The following COX7B2 variants were observed in gnomAD, a reference collection of about 807,000 sequenced individuals.
The protein encoded by COX7B2 is cytochrome c oxidase subunit 7B2, also known as cytochrome c oxidase subunit 7B2, mitochondrial.
For missense variants in COX7B2, 109 were observed against 95.9 expected (o/e 1.14, Z -0.57); for synonymous variants, 37 against 32.1 (o/e 1.15, Z -0.51).
chr4:46,768,184 G>T (rs148667944), intron 2 of COX7B2, among the ~76,000 whole-genome samples: 2 of 152,228 alleles, frequency 1.3e-5, no homozygotes, highest in South Asian at 4.1e-4. Flanking sequence ...GTACCCAAGA[G>T]GAATGAGGTC....
Position 46,754,155 on chromosome 4 carries a change from C to T in COX7B2, c.-49-18914G>A, listed in dbSNP as rs546057775. 1.2e-4 allele frequency among the ~76,000 whole-genome samples: 19 copies of T among 152,078 alleles called. No homozygotes were observed. In the East Asian group the frequency reaches 2.0e-3, roughly 16 times the overall value. Reference sequence around the variant, plus strand: ...TCAACCATTGTGGAAGTCAGTGTGGCGATTTTTCAGGGATCTAGAACTAGA... The same window carrying T: ...TCAACCATTGTGGAAGTCAGTGTGGTGATTTTTCAGGGATCTAGAACTAGA... On this transcript the variant is annotated intron_variant, in intron 2 of 2. Transcript: ENST00000355591.
At chr4:46,754,900 T>A (rs1715683958) in intron 2 of COX7B2, among the ~76,000 whole-genome samples, 1 of 151,260 alleles carries the variant, frequency 6.6e-6, no homozygotes, top group South Asian at 2.1e-4. Flanking sequence ...TGAAGCTATT[T>A]TTTTTAATTG....
chr4:46,791,364 A>G (rs181909656), intron 2 of COX7B2, among the ~76,000 whole-genome samples: 39 of 152,322 alleles, frequency 2.6e-4, no homozygotes, highest in Middle Eastern at 3.4e-3. Context: ...ATGACATTTT[A>G]TAATTCTAAT....
intron 1 of COX7B2, among the ~76,000 whole-genome samples, chr4:46,904,326 T>C (rs1720248087): frequency 6.6e-6 from 1 of 152,130 alleles, no homozygotes; most frequent in East Asian, 1.9e-4. Flanking sequence ...CTCCATCATA[T>C]AAAAAGAGCA....
chr4:46,830,324 C>CAAAAAAAA (rs201868075), intron 2 of COX7B2, among the ~76,000 whole-genome samples: 4 of 82,154 alleles, frequency 4.9e-5, no homozygotes, highest in African/African-American at 9.5e-5. Flanking sequence ...ACTCTGTCTC[C>CAAAAAAAA]AAAAAAAAAA....
chr4:46,824,251 T>G (rs1489678774), intron 2 of COX7B2, among the ~76,000 whole-genome samples: 1 of 152,132 alleles, frequency 6.6e-6, no homozygotes, highest in Admixed American at 6.5e-5. Context: ...AAAGAAAAGT[T>G]GATACCATTC....
intron 2 of COX7B2, among the ~76,000 whole-genome samples, chr4:46,827,160 A>C (rs1485529133): frequency 6.6e-6 from 1 of 152,104 alleles, no homozygotes; most frequent in Non-Finnish European, 1.5e-5. Context: ...AATAGAGACA[A>C]AAAGTGAAAG....
intron 1 of COX7B2, among the ~76,000 whole-genome samples, chr4:46,892,237 A>C (rs966099193): frequency 1.3e-5 from 2 of 152,234 alleles, no homozygotes; most frequent in Admixed American, 1.3e-4. Context: ...TAAAAAGAAA[A>C]GAAAAGCAAT....
chr4:46,771,921 T>C (rs1716900761), intron 2 of COX7B2, among the ~76,000 whole-genome samples: 1 of 152,142 alleles, frequency 6.6e-6, no homozygotes, highest in Admixed American at 6.6e-5. Flanking sequence ...ATCATGTTGG[T>C]GCTCAAAAAG....
chr4:46,782,276 A>C (rs1717506211), intron 2 of COX7B2, among the ~76,000 whole-genome samples: 1 of 152,106 alleles, frequency 6.6e-6, no homozygotes. Context: ...TTTTATGTCT[A>C]GCCAGAGGAT....
chr4:46,881,278 A>G (rs1180173931), intron 1 of COX7B2, among the ~76,000 whole-genome samples: 1 of 152,184 alleles, frequency 6.6e-6, no homozygotes, highest in Non-Finnish European at 1.5e-5. Context: ...TGTAAGAAGT[A>G]CACTGGTTCA....
Position 46,804,181 on chromosome 4 carries a change from T to G in COX7B2, c.-50+40779A>C, listed in dbSNP as rs375100983. ...GCGGTGGGTTCGTGGTCTCACTAGC[T>G]TCAAGAGTGAAGCCGCAGACCTTCA... On this transcript the variant is annotated intron_variant, in intron 2 of 2. Transcript: ENST00000355591. 8.5e-5 allele frequency among the ~76,000 whole-genome samples: 13 copies of G among 152,214 alleles called. No homozygotes were observed. In the East Asian group the frequency reaches 9.7e-4, roughly 11 times the overall value.
At chr4:46,806,252 T>A (rs1054953370) in intron 2 of COX7B2, among the ~76,000 whole-genome samples, 18 of 152,038 alleles carry the variant, frequency 1.2e-4, no homozygotes, top group Admixed American at 1.1e-3. Context: ...TAATATTTCA[T>A]ATTATATAAC....
intron 2 of COX7B2, among the ~76,000 whole-genome samples, chr4:46,738,963 C>T (rs1218326919): frequency 6.6e-6 from 1 of 151,984 alleles, no homozygotes; most frequent in Non-Finnish European, 1.5e-5. Context: ...AAAGTTCTTT[C>T]TGCAAAAAAT....
chr4:46,786,335 T>G (rs1717752626), intron 2 of COX7B2, among the ~76,000 whole-genome samples: 1 of 152,220 alleles, frequency 6.6e-6, no homozygotes, highest in Non-Finnish European at 1.5e-5. Flanking sequence ...GAAACATACT[T>G]TATCTGACCA....
At chr4:46,835,529 A>G (rs1715457166) in intron 2 of COX7B2, among the ~76,000 whole-genome samples, 1 of 152,148 alleles carries the variant, frequency 6.6e-6, no homozygotes, top group Non-Finnish European at 1.5e-5. Context: ...GACAGTAAGC[A>G]GGCCTAGTCC....
At chr4:46,752,751 G>T (rs1715475634) in intron 2 of COX7B2, among the ~76,000 whole-genome samples, 1 of 152,154 alleles carries the variant, frequency 6.6e-6, no homozygotes, top group South Asian at 2.1e-4. Context: ...AACCAGCCTT[G>T]CATCCCATGG....
intron 2 of COX7B2, among the ~76,000 whole-genome samples, chr4:46,820,918 G>C (rs1433154620): frequency 6.6e-6 from 1 of 151,444 alleles, no homozygotes; most frequent in Non-Finnish European, 1.5e-5. Context: ...TCTCACGTAA[G>C]AGTTGAAAAT....
chr4:46,793,096 A>G (rs1254172259), intron 2 of COX7B2, among the ~76,000 whole-genome samples: 1 of 152,200 alleles, frequency 6.6e-6, no homozygotes. Flanking sequence ...GACTGTGGTC[A>G]GGAGAGATTT....
Sources: gnomAD v4.1 joint callset for allele counts (sites outside exome capture counted in the v4.1 genomes callset) on GRCh38, gnomAD v4.1.1 for gene constraint, MANE v1.5 for transcripts, NCBI Gene and HGNC (gene_info 2026-07-23, HGNC 2026-07-21) for gene names.